Variants in CDC25C observed in about 807,000 individuals in gnomAD.
CDC25C encodes the protein cell division cycle 25C, also known as M-phase inducer phosphatase 3.
In CDC25C, 48 loss-of-function variants were observed where a neutral mutation model predicts 52.5. That is an observed-to-expected ratio of 0.91 (90% CI 0.72 to 1.16). The LOEUF (loss-of-function observed/expected upper bound fraction) is 1.16. Among genes scored for constraint, CDC25C ranks in the 50% most tolerant of loss-of-function variants. The pLI is 0.00. For missense variants in CDC25C, 510 were observed against 566.1 expected, an observed-to-expected ratio of 0.90 and a Z score of 1.01; for synonymous variants, 187 against 206.5, an observed-to-expected ratio of 0.91 and a Z score of 0.81.
intron 10 of CDC25C, 61 bp downstream of exon 10, chr5:138,289,440 G>T: frequency 3.3e-6 from 4 of 1,199,656 alleles, no homozygotes; most frequent in Non-Finnish European, 5.0e-6. Flanking sequence ...GGCATTTTAG[G>T]GACAGAAGAG....
intron 7 of CDC25C, among the ~76,000 whole-genome samples, chr5:138,307,490 C>CAAAAAAAA (rs57593237): frequency 9.3e-3 from 823 of 88,058 alleles, no homozygotes; most frequent in Non-Finnish European, 0.011. Context: ...GAGACTGCCA[C>CAAAAAAAA]AAAAAAAAAA....
intron 1 of CDC25C, chr5:138,337,806 G>A: frequency 2.3e-6 from 1 of 442,168 alleles, no homozygotes. Flanking sequence ...TGGGGGAAGG[G>A]GGATTCCTTC....
Position 138,310,269 on chromosome 5 carries a change from T to A in CDC25C, c.615+8950A>T, listed in dbSNP as rs141993605. ...TCGCTTCCAGGCCAGAACATTCTTGTAGGAAGACACTTCGAACAAGTGCCA... is the reference window on the plus strand; with the variant it reads ...TCGCTTCCAGGCCAGAACATTCTTGAAGGAAGACACTTCGAACAAGTGCCA... On this transcript the variant is annotated intron_variant, in intron 7 of 13. Transcript: ENST00000323760. 1.0e-3 allele frequency among the ~76,000 whole-genome samples: 153 copies of A among 152,326 alleles called. 1 individual carries two copies. The highest frequency in any genetic ancestry group is 3.6e-3 in the African/African-American group (150 of 41,586).
chr5:138,328,770 T>C, intron 3 of CDC25C: 1 of 361,494 alleles, frequency 2.8e-6, no homozygotes, highest in Non-Finnish European at 5.0e-6. Flanking sequence ...ATGCTACCTA[T>C]GGAGTTTTTT....
intron 7 of CDC25C, among the ~76,000 whole-genome samples, chr5:138,317,681 C>G (rs1256517199): frequency 4.6e-5 from 1 of 21,688 alleles, no homozygotes; most frequent in East Asian, 1.3e-3. Flanking sequence ...CCCTGTCTAT[C>G]TAAAAAAAAA....
chr5:138,321,091 C>A (rs1443482519), intron 6 of CDC25C, among the ~76,000 whole-genome samples: 1 of 151,754 alleles, frequency 6.6e-6, no homozygotes, highest in East Asian at 1.9e-4. Flanking sequence ...TGAGACCTCA[C>A]ACACACACAT....
chr5:138,288,216 C>T (rs528177644), intron 10 of CDC25C, among the ~76,000 whole-genome samples: 57 of 152,148 alleles, frequency 3.7e-4, no homozygotes, highest in African/African-American at 1.3e-3. Context: ...GCTGGGATTA[C>T]AGGCATGCGC....
intron 7 of CDC25C, 93 bp downstream of exon 7, chr5:138,319,126 A>G (rs1034473528): frequency 2.5e-6 from 3 of 1,195,548 alleles, no homozygotes; most frequent in African/African-American, 1.5e-5. Context: ...TTTTTGCTCA[A>G]ATAAACTCTC....
intron 6 of CDC25C, among the ~76,000 whole-genome samples, chr5:138,322,303 T>C (rs1759479942): frequency 6.7e-6 from 1 of 148,938 alleles, no homozygotes; most frequent in Admixed American, 6.7e-5. Context: ...ACCCGGCCTA[T>C]AATTATTATT....
chr5:138,301,282 C>T (rs1757608044), intron 7 of CDC25C, among the ~76,000 whole-genome samples: 1 of 152,138 alleles, frequency 6.6e-6, no homozygotes. Flanking sequence ...ATGGATTCTA[C>T]AGACACTAAA....
intron 7 of CDC25C, among the ~76,000 whole-genome samples, chr5:138,313,309 G>A (rs1478563347): frequency 6.6e-6 from 1 of 151,046 alleles, no homozygotes; most frequent in African/African-American, 2.4e-5. Context: ...AACCCAGGAG[G>A]TGGAGGTGCA....
intron 11 of CDC25C, 89 bp downstream of exon 11, chr5:138,287,080 A>G: frequency 1.2e-6 from 1 of 833,952 alleles, no homozygotes; most frequent in Non-Finnish European, 2.0e-6. Context: ...TCCTGACTCT[A>G]GAGTTCATAG....
intron 7 of CDC25C, among the ~76,000 whole-genome samples, chr5:138,298,864 T>C (rs768709342): frequency 2.2e-4 from 33 of 151,810 alleles, no homozygotes; most frequent in Admixed American, 1.6e-3. Context: ...TAGAAATCAG[T>C]TAACAGAAAA....
Position 138,330,956 on chromosome 5 carries a change from C to CA in CDC25C, c.194+30dup, listed in dbSNP as rs540570403. 44 of 1,432,452 alleles carry CA rather than the reference C, an allele frequency of 3.1e-5. No homozygotes were observed. In the Admixed American group the frequency reaches 5.7e-4, roughly 19 times the overall value. 88.7% of individuals were successfully genotyped at this position (1,432,452 alleles called of 1,614,324 possible). A position where few individuals can be genotyped will look rare whatever the true frequency, so the allele number is the denominator to read the frequency against. On this transcript the variant is annotated intron_variant, in intron 2 of 13. Transcript: ENST00000323760. The stretch of plus-strand genomic sequence containing the variant: ...CCCAACTGTTTGGAAATAGCAAAGG[C>CA]AATACAGTGTAAAAATAAAAGTATA...
intron 10 of CDC25C, among the ~76,000 whole-genome samples, chr5:138,288,096 A>G (rs543408268): frequency 1.3e-5 from 2 of 151,832 alleles, no homozygotes; most frequent in Admixed American, 1.3e-4. Context: ...GTTTTTTGAG[A>G]TGGAATTTCG....
intron 7 of CDC25C, among the ~76,000 whole-genome samples, chr5:138,314,110 G>T (rs777926966): frequency 6.7e-6 from 1 of 148,860 alleles, no homozygotes; most frequent in Admixed American, 6.8e-5. Flanking sequence ...ATTCTCCTGT[G>T]TCAGCCTCCT....
At position 138,288,117 on chromosome 5, in the gene CDC25C, C is replaced by A. The variant is rs182798544; in HGVS notation, c.928-850G>T. 2.6e-5 allele frequency among the ~76,000 whole-genome samples: 4 copies of A among 152,026 alleles called. No individual in the cohort carries two copies. In the East Asian group the frequency reaches 7.8e-4, roughly 29 times the overall value. Reference sequence around the variant, plus strand: ...TGAGATGGAATTTCGCCCTTGTTGCCCAGGCTGGAGTACAATGGTGCCATC... The same window carrying A: ...TGAGATGGAATTTCGCCCTTGTTGCACAGGCTGGAGTACAATGGTGCCATC... On this transcript the variant is annotated intron_variant, in intron 10 of 13. Coordinates refer to ENST00000323760, the MANE Select transcript of CDC25C (RefSeq NM_001790.5).
chr5:138,322,764 CGCGCCCG>C (rs933557629), intron 6 of CDC25C, among the ~76,000 whole-genome samples: 1 of 151,180 alleles, frequency 6.6e-6, no homozygotes, highest in Non-Finnish European at 1.5e-5. Context: ...CGTGAGCCAC[CGCGCCCG>C]GCCCTGGCTA....
At chr5:138,311,174 C>T (rs1159329133) in intron 7 of CDC25C, among the ~76,000 whole-genome samples, 1 of 152,176 alleles carries the variant, frequency 6.6e-6, no homozygotes, top group Non-Finnish European at 1.5e-5. Context: ...CATATTGTAG[C>T]CAACACTGCT....
Sources: allele counts gnomAD v4.1 joint callset (sites outside exome capture counted in the v4.1 genomes callset), GRCh38; gene constraint gnomAD v4.1.1; transcripts MANE v1.5; gene names NCBI Gene and HGNC (gene_info 2026-07-23, HGNC 2026-07-21).